ZNF232: variants seen among roughly 807,000 people sequenced by gnomAD.
The protein encoded by ZNF232 is zinc finger and SCAN domain-containing protein 11.
In ZNF232, 25 loss-of-function variants were observed where a neutral mutation model predicts 25.2. The observed-to-expected ratio is 0.99, with a 90% CI of 0.72 to 1.39. ZNF232 has a LOEUF of 1.39. ZNF232 is among the 40% of genes most tolerant of loss of function. The pLI is 0.00. For missense variants in ZNF232, 519 were observed against 520.9 expected (o/e 1.00, Z 0.04); for synonymous variants, 193 against 182.9 (o/e 1.06, Z -0.45).
upstream of ZNF232, among the ~76,000 whole-genome samples, chr17:5,112,587 G>C (rs1017503518): frequency 2.0e-5 from 3 of 150,914 alleles, no homozygotes; most frequent in African/African-American, 7.3e-5. Context: ...GAGTAGCTGG[G>C]ACTAGAGGCG....
intron 1 of ZNF232, chr17:5,111,001 G>T (rs1216234289): frequency 6.6e-6 from 1 of 152,228 alleles, no homozygotes; most frequent in African/African-American, 2.4e-5. Flanking sequence ...TGTTGCACGT[G>T]AAAAGAGGAA....
chr17:5,112,987 A>G (rs950463693), upstream of ZNF232, among the ~76,000 whole-genome samples: 1 of 152,198 alleles, frequency 6.6e-6, no homozygotes, highest in African/African-American at 2.4e-5. Flanking sequence ...AAATAAATTT[A>G]TCTCACTATC....
rs201222361 is a variant in ZNF232, at chr17:5,106,508, T to C, written c.626-2A>G. On this transcript the variant is annotated splice_acceptor_variant, in intron 3 of 3. Transcript: ENST00000575898. LOFTEE classifies it high-confidence loss of function. The stretch of plus-strand genomic sequence containing the variant: ...GCTCTGGGCCATCTTCTGTAACAAC[T>C]GACAGAAAATGTAAATATACCTGTT... 1.2e-6 allele frequency: 2 copies of C among 1,610,710 alleles called. No homozygotes were observed. Among genetic ancestry groups the C allele is most frequent in the East Asian group, 4.5e-5 (2 of 44,842 alleles).
chr17:5,109,711 A>G, exon 2 of ZNF232: 1 of 1,614,100 alleles, frequency 6.2e-7, no homozygotes, highest in Non-Finnish European at 8.5e-7. Flanking sequence ...TCATACTCAC[A>G]AGACTGTTCC....
Position 5,111,581 on chromosome 17 carries a change from A to C in ZNF232, c.23+219T>G. 4.6e-6 allele frequency: 3 copies of C among 654,422 alleles called. No individual in the cohort carries two copies. The South Asian group carries it at 5.9e-5, about 13-fold the overall frequency. 40.5% of individuals were successfully genotyped at this position (654,422 alleles called of 1,614,324 possible). A position where few individuals can be genotyped will look rare whatever the true frequency, so the allele number is the denominator to read the frequency against. On this transcript the variant is annotated intron_variant, in intron 1 of 3. Coordinates refer to ENST00000575898, the Ensembl canonical transcript of ZNF232. ...CTTCACTCCCTACCCAAGGGTCTCG[A>C]GAAAAGAGAAGAGGAACATCAAGAC...
chr17:5,111,698 G>A (rs770659351), intron 1 of ZNF232, 102 bp downstream of exon 1: 9 of 1,586,474 alleles, frequency 5.7e-6, no homozygotes, highest in Non-Finnish European at 6.9e-6. Context: ...CAACCGCGGA[G>A]CTGCCTGCCA....
At chr17:5,120,624 C>T (rs1421433465) in intron 1 of ZNF232, 13 of 374,912 alleles carry the variant, frequency 3.5e-5, no homozygotes, top group Non-Finnish European at 6.7e-5. Flanking sequence ...CCTCTCTGCC[C>T]AGGAAATGAA....
At chr17:5,109,666 C>T in exon 2 of ZNF232, 2 of 1,614,200 alleles carry the variant, frequency 1.2e-6, no homozygotes, top group South Asian at 1.1e-5. Flanking sequence ...CGGAAGATCT[C>T]TTGACTGGTA....
rs533139473 is a variant in ZNF232, at chr17:5,111,529, A to C, written c.23+271T>G. On this transcript the variant is annotated intron_variant, in intron 1 of 3. Transcript: ENST00000575898. ...CCGCCCGGGGAGGGGGCTGTCGTCCAGGCCAGGTACAACTCCCCTTCCCAC... is the reference window on the plus strand; with the variant it reads ...CCGCCCGGGGAGGGGGCTGTCGTCCCGGCCAGGTACAACTCCCCTTCCCAC... The C allele has an allele frequency of 7.3e-5, 37 of 508,300 alleles. No homozygotes were observed. The East Asian group carries it at 1.2e-3, about 16-fold the overall frequency. The allele number at this position is 508,300 out of a possible 1,614,324, so 31.5% of individuals were successfully genotyped here. A position where few individuals can be genotyped will look rare whatever the true frequency, so the allele number is the denominator to read the frequency against.
chr17:5,115,947 G>C (rs1597942298), upstream of ZNF232, among the ~76,000 whole-genome samples: 1 of 152,228 alleles, frequency 6.6e-6, no homozygotes, highest in Non-Finnish European at 1.5e-5. Context: ...CGGGGGATCG[G>C]GGCGGGGTGC....
At chr17:5,116,934 T>C (rs928073626) in intron 1 of ZNF232, among the ~76,000 whole-genome samples, 1 of 152,156 alleles carries the variant, frequency 6.6e-6, no homozygotes, top group Non-Finnish European at 1.5e-5. Context: ...AGGGAACAGC[T>C]CGTGGAAAGG....
chr17:5,106,161 C>T, exon 4 of ZNF232: 2 of 1,614,178 alleles, frequency 1.2e-6, no homozygotes, highest in Non-Finnish European at 1.7e-6. Context: ...ACAGTCACTA[C>T]ACTTATAGGG....
intron 1 of ZNF232, among the ~76,000 whole-genome samples, chr17:5,120,352 G>T (rs1401593098): frequency 1.3e-5 from 2 of 152,140 alleles, no homozygotes; most frequent in Non-Finnish European, 2.9e-5. Flanking sequence ...CTGGGGGGTT[G>T]TTATCTCTCA....
upstream of ZNF232, chr17:5,111,948 C>T (rs1361331754): frequency 2.1e-6 from 3 of 1,412,318 alleles, no homozygotes; most frequent in Non-Finnish European, 1.9e-6. Context: ...CGTTCGCGGA[C>T]TTTGGCCCAG....
At chr17:5,113,074 ATTG>A (rs1193634141), upstream of ZNF232, among the ~76,000 whole-genome samples, 1 of 152,236 alleles carries the variant, frequency 6.6e-6, no homozygotes, top group African/African-American at 2.4e-5. Flanking sequence ...TCCAAGAAAA[ATTG>A]TTGTTCAACT....
At chr17:5,111,911 C>T, upstream of ZNF232, 1 of 1,550,290 alleles carries the variant, frequency 6.5e-7, no homozygotes, top group Non-Finnish European at 8.7e-7. Flanking sequence ...GCCTCCAACT[C>T]CCAGAATCCT....
intron 1 of ZNF232, among the ~76,000 whole-genome samples, chr17:5,118,821 A>G (rs1336676833): frequency 6.6e-6 from 1 of 152,232 alleles, no homozygotes; most frequent in Non-Finnish European, 1.5e-5. Flanking sequence ...TTTCTTCCCG[A>G]AAGTCTGGCC....
At position 5,106,535 on chromosome 17, in the gene ZNF232, TG is replaced by T. The variant is rs753428113; in HGVS notation, c.626-30del. On this transcript the variant is annotated intron_variant, in intron 3 of 3. Coordinates refer to ENST00000575898, the Ensembl canonical transcript of ZNF232. ...ACAGAAAATGTAAATATACCTGTTC[TG>T]GATGTATGAAGAAATGACACTTAGA... is the stretch of plus-strand genomic sequence containing the variant. 2.5e-6 allele frequency: 4 copies of T among 1,579,358 alleles called. No homozygotes were observed.
At chr17:5,106,378 CAGAGGTAGCTTCAAATGT>C in exon 4 of ZNF232, 2 of 1,614,232 alleles carry the variant, frequency 1.2e-6, no homozygotes, top group Non-Finnish European at 8.5e-7. Context: ...AAGGTACCCT[CAGAGGTAGCTTCAAATGT>C]AGAGGTGTCA....
Sources: allele counts gnomAD v4.1 joint callset (sites outside exome capture counted in the v4.1 genomes callset), GRCh38; gene constraint gnomAD v4.1.1; transcripts MANE v1.5; gene names NCBI Gene and HGNC (gene_info 2026-07-23, HGNC 2026-07-21).